PCDH9: variants seen among roughly 807,000 people sequenced by gnomAD.
The protein encoded by PCDH9 is protocadherin 9.
A neutral mutation model predicts 70.6 loss-of-function variants in PCDH9; 24 were observed. The ratio of observed to expected loss-of-function variants is 0.34; its 90% CI spans 0.25 to 0.48. PCDH9 has a LOEUF of 0.48. PCDH9 is among the 20% of genes least tolerant of loss of function. PCDH9 has a pLI of 0.99. For missense variants in PCDH9, 1,281 were observed against 1,503.6 expected (o/e 0.85, Z 2.45); for synonymous variants, 562 against 558.5 (o/e 1.01, Z -0.09).
rs193109772 is a variant in PCDH9, at chr13:67,042,077, T to C, written c.3037-138472A>G. ...GTGATGCATCTCCAGGATGGGGGTG[T>C]TTCGTAAGTCTGGATCCCTGACTGG... On this transcript the variant is annotated intron_variant, in intron 2 of 4. Transcript: ENST00000377865. Among the ~76,000 whole-genome samples, 5 of 152,110 alleles carry C rather than the reference T, an allele frequency of 3.3e-5. 1 individual carries two copies. The highest frequency in any genetic ancestry group is 3.3e-4 in the Admixed American group (5 of 15,288).
intron 2 of PCDH9, among the ~76,000 whole-genome samples, chr13:67,018,896 T>C (rs955851773): frequency 1.3e-5 from 2 of 152,298 alleles, no homozygotes; most frequent in South Asian, 2.1e-4. Context: ...GCTTAACTTA[T>C]TTGACAAATA....
intron 2 of PCDH9, among the ~76,000 whole-genome samples, chr13:67,009,527 A>G (rs1327005695): frequency 6.6e-6 from 1 of 151,998 alleles, no homozygotes. Flanking sequence ...CCCTGAATCA[A>G]GCATCTAGGA....
chr13:67,096,800 G>C (rs555918764), intron 2 of PCDH9, among the ~76,000 whole-genome samples: 2 of 152,188 alleles, frequency 1.3e-5, no homozygotes, highest in East Asian at 3.9e-4. Context: ...GTGAGGGCGA[G>C]ATACATGGGA....
intron 4 of PCDH9, among the ~76,000 whole-genome samples, chr13:66,613,978 C>A (rs1411847505): frequency 6.6e-6 from 1 of 152,156 alleles, no homozygotes; most frequent in East Asian, 1.9e-4. Flanking sequence ...ATTTGACTTG[C>A]AGGCTTCACA....
At chr13:66,421,081 A>C (rs369525990) in intron 4 of PCDH9, among the ~76,000 whole-genome samples, 2 of 151,902 alleles carry the variant, frequency 1.3e-5, no homozygotes, top group Admixed American at 6.6e-5. Context: ...AGAATATCAG[A>C]GACTGAAGAT....
intron 4 of PCDH9, among the ~76,000 whole-genome samples, chr13:66,572,917 G>A (rs749379365): frequency 2.6e-5 from 4 of 152,000 alleles, no homozygotes; most frequent in Admixed American, 6.6e-5. Context: ...GTGCCACTGC[G>A]CCTGGCTAAG....
At chr13:66,783,769 C>T (rs2080036681) in intron 3 of PCDH9, among the ~76,000 whole-genome samples, 1 of 152,118 alleles carries the variant, frequency 6.6e-6, no homozygotes, top group Admixed American at 6.6e-5. Flanking sequence ...ATTCTTTCCT[C>T]TAAACATTAT....
chr13:67,128,891 T>C (rs756172510), intron 2 of PCDH9, among the ~76,000 whole-genome samples: 11 of 152,184 alleles, frequency 7.2e-5, no homozygotes, highest in Non-Finnish European at 1.3e-4. Context: ...AAAACCCATC[T>C]ACTCTCAAAA....
In PCDH9 at chr13:66,676,671, G is replaced by T. The variant is rs114166976; in HGVS notation, c.3139-45260C>A. ...TTTAAAAATAACTTACTGAAATTCA[G>T]GATTCATGAAACATAATTATTATCT... On this transcript the variant is annotated intron_variant, in intron 3 of 4. Transcript: ENST00000377865. Among the ~76,000 whole-genome samples the T allele has an allele frequency of 2.3e-3, 349 of 152,032 alleles. 1 individual carries two copies. The highest frequency in any genetic ancestry group is 8.3e-3 in the African/African-American group (343 of 41,508).
Position 66,888,855 on chromosome 13 carries a change from T to A in PCDH9, c.3138+14649A>T, listed in dbSNP as rs187499426. ...AACATTCAGAAGCTCTTAAAAGCAGTCAGGGCTCCTCTTTACAGAAGCTGT... is the reference window on the plus strand; with the variant it reads ...AACATTCAGAAGCTCTTAAAAGCAGACAGGGCTCCTCTTTACAGAAGCTGT... On this transcript the variant is annotated intron_variant, in intron 3 of 4. Transcript: ENST00000377865. 2.6e-5 allele frequency among the ~76,000 whole-genome samples: 4 copies of A among 152,296 alleles called. No individual in the cohort carries two copies. The East Asian group carries it at 7.7e-4, about 29-fold the overall frequency.
chr13:66,622,845 C>A (rs999775624), intron 4 of PCDH9, among the ~76,000 whole-genome samples: 1 of 151,348 alleles, frequency 6.6e-6, no homozygotes, highest in African/African-American at 2.4e-5. Flanking sequence ...TGGAATAAAT[C>A]TTGCTGCTGC....
intron 3 of PCDH9, among the ~76,000 whole-genome samples, chr13:66,640,465 A>G (rs2077693991): frequency 6.6e-6 from 1 of 152,100 alleles, no homozygotes; most frequent in African/African-American, 2.4e-5. Context: ...AATTTTATAC[A>G]ATAATTAACC....
intron 2 of PCDH9, 69 bp downstream of exon 2, chr13:67,225,336 G>T: frequency 1.3e-6 from 2 of 1,483,618 alleles, no homozygotes; most frequent in Non-Finnish European, 1.9e-6. Context: ...TAGACATACT[G>T]GCACGTTAAT....
At chr13:66,450,793 A>T (rs537503871) in intron 4 of PCDH9, among the ~76,000 whole-genome samples, 15 of 152,312 alleles carry the variant, frequency 9.8e-5, no homozygotes, top group Non-Finnish European at 1.9e-4. Flanking sequence ...AGGCGGGCAG[A>T]TCACGAGGTC....
rs1265190808 is a variant in PCDH9, at chr13:66,679,536, A to AT, written c.3139-48126dup. On this transcript the variant is annotated intron_variant, in intron 3 of 4. Coordinates refer to ENST00000377865, the MANE Select transcript of PCDH9 (RefSeq NM_203487.3). ...AATATAACCTTCTCATGTGTGTTTA[A>AT]TTTTTTTTTGCTCCAAATTATTATT... 6.0e-5 allele frequency among the ~76,000 whole-genome samples: 9 copies of AT among 151,030 alleles called. No individual in the cohort carries two copies. The South Asian group carries it at 1.5e-3, about 25-fold the overall frequency.
chr13:66,333,207 G>C (rs187932263), intron 4 of PCDH9, among the ~76,000 whole-genome samples: 3 of 152,292 alleles, frequency 2.0e-5, no homozygotes, highest in Non-Finnish European at 4.4e-5. Context: ...AGTATGTGTA[G>C]ATTTGAAGGA....
chr13:66,926,987 C>T (rs1463564019), intron 2 of PCDH9, among the ~76,000 whole-genome samples: 5 of 152,124 alleles, frequency 3.3e-5, no homozygotes, highest in African/African-American at 4.8e-5. Context: ...GAGAGATTTC[C>T]GGTCTCACTG....
At chr13:66,759,035 T>C (rs924583994) in intron 3 of PCDH9, among the ~76,000 whole-genome samples, 3 of 152,046 alleles carry the variant, frequency 2.0e-5, no homozygotes, top group Admixed American at 2.0e-4. Flanking sequence ...TAGTTAAAGA[T>C]TTGTCAATTT....
At chr13:66,489,723 A>G (rs1461299656) in intron 4 of PCDH9, among the ~76,000 whole-genome samples, 1 of 152,158 alleles carries the variant, frequency 6.6e-6, no homozygotes, top group Non-Finnish European at 1.5e-5. Flanking sequence ...AGTTTGTAGC[A>G]TGATTTTCTT....
Sources: gnomAD v4.1 joint callset for allele counts (sites outside exome capture counted in the v4.1 genomes callset) on GRCh38, gnomAD v4.1.1 for gene constraint, MANE v1.5 for transcripts, NCBI Gene and HGNC (gene_info 2026-07-23, HGNC 2026-07-21) for gene names.